SLC24A2: variants seen among roughly 807,000 people sequenced by gnomAD.
SLC24A2 encodes the protein sodium/potassium/calcium exchanger 2.
A neutral mutation model predicts 62.0 loss-of-function variants in SLC24A2; 36 were observed. That is an observed-to-expected ratio of 0.58 (90% CI 0.44 to 0.77). The LOEUF is 0.77. Among genes scored for constraint, SLC24A2 ranks in the 30% least tolerant of loss-of-function variants. The pLI is 0.00. For synonymous variants in SLC24A2, 358 were observed against 294.0 expected (o/e 1.22, Z -2.23); for missense variants, 846 against 817.9 (o/e 1.03, Z -0.42).
chr9:20,104,577 G>A, the SLC24A2 span, among the ~76,000 whole-genome samples: 2 of 152,186 alleles, frequency 1.3e-5, no homozygotes, highest in African/African-American at 4.8e-5. Context: ...TTTCAACCCA[G>A]AATTTCATAT....
At chr9:19,539,625 C>CTA (rs1834158506) in intron 8 of SLC24A2, among the ~76,000 whole-genome samples, 1 of 71,020 alleles carries the variant, frequency 1.4e-5, no homozygotes, top group African/African-American at 5.9e-5. Context: ...TTACTTCCAA[C>CTA]TATGTGGTCA....
chr9:19,649,313 A>G (rs1818733823), intron 2 of SLC24A2, among the ~76,000 whole-genome samples: 1 of 152,062 alleles, frequency 6.6e-6, no homozygotes, highest in African/African-American at 2.4e-5. Context: ...TTTCCAGATA[A>G]TATATGTTGA....
intron 2 of SLC24A2, among the ~76,000 whole-genome samples, chr9:19,782,310 T>C (rs1403581641): frequency 3.9e-5 from 6 of 152,148 alleles, no homozygotes; most frequent in African/African-American, 1.4e-4. Flanking sequence ...TAACCAGCTA[T>C]ACAGACATTT....
intron 2 of SLC24A2, among the ~76,000 whole-genome samples, chr9:19,784,056 A>G (rs1464055110): frequency 6.6e-6 from 1 of 152,236 alleles, no homozygotes; most frequent in African/African-American, 2.4e-5. Flanking sequence ...AAAATTATGG[A>G]TGCAAATAAC....
chr9:19,793,841 G>A (rs181024483), upstream of SLC24A2, among the ~76,000 whole-genome samples: 2 of 152,210 alleles, frequency 1.3e-5, no homozygotes, highest in East Asian at 1.9e-4. Context: ...CCAACAGCCC[G>A]TCAACAATCA....
chr9:19,665,955 G>A (rs567831730), intron 2 of SLC24A2, among the ~76,000 whole-genome samples: 16 of 152,134 alleles, frequency 1.1e-4, no homozygotes, highest in South Asian at 8.3e-4. Context: ...CACTGCACCC[G>A]GCCCGTGTTC....
intron 6 of SLC24A2, among the ~76,000 whole-genome samples, chr9:19,576,294 G>C (rs1836007599): frequency 6.6e-6 from 1 of 152,210 alleles, no homozygotes; most frequent in South Asian, 2.1e-4. Context: ...ACAGACAGGA[G>C]AGAAGGAACA....
At chr9:20,031,408 C>A in the SLC24A2 span, among the ~76,000 whole-genome samples, 2 of 143,238 alleles carry the variant, frequency 1.4e-5, no homozygotes, top group Non-Finnish European at 3.0e-5. Context: ...TGTGTGTGTG[C>A]GCATATGTGC....
At chr9:19,849,443 T>G in the SLC24A2 span, among the ~76,000 whole-genome samples, 1 of 152,172 alleles carries the variant, frequency 6.6e-6, no homozygotes, top group Non-Finnish European at 1.5e-5. Flanking sequence ...GATGAGCTTC[T>G]CCTGAAAATA....
At chr9:19,563,820 TCCTTCCTCCCTCCCTCCCTC>T (rs1835529371) in intron 7 of SLC24A2, among the ~76,000 whole-genome samples, 28 of 92,978 alleles carry the variant, frequency 3.0e-4, no homozygotes, top group Admixed American at 4.3e-4. Context: ...CTTCCTTCCT[TCCTTCCTCCCTCCCTCCCTC>T]CCTCCCTCCC....
the SLC24A2 span, among the ~76,000 whole-genome samples, chr9:19,869,939 CT>C: frequency 2.1e-4 from 32 of 152,260 alleles, no homozygotes; most frequent in Non-Finnish European, 4.0e-4. Context: ...AGTAAGTCTC[CT>C]AGCAAGGAAC....
chr9:19,606,356 G>A (rs2180942), intron 4 of SLC24A2, among the ~76,000 whole-genome samples: 85,448 of 152,106 alleles, frequency 0.56, 24,455 homozygotes, highest in East Asian at 0.84. Flanking sequence ...CCTTAGAGTA[G>A]AAAGCAAAGC....
At chr9:20,084,297 G>C in the SLC24A2 span, among the ~76,000 whole-genome samples, 28 of 152,316 alleles carry the variant, frequency 1.8e-4, no homozygotes, top group East Asian at 3.1e-3. Context: ...GCTAGAGTTA[G>C]TTGATTTGTC....
intron 2 of SLC24A2, among the ~76,000 whole-genome samples, chr9:19,704,104 A>C (rs1820436036): frequency 6.6e-6 from 1 of 151,962 alleles, no homozygotes; most frequent in Non-Finnish European, 1.5e-5. Context: ...TTGCTACTAA[A>C]ACGTGATCTG....
the SLC24A2 span, among the ~76,000 whole-genome samples, chr9:20,024,620 TAAG>T: frequency 6.6e-6 from 1 of 152,196 alleles, no homozygotes; most frequent in African/African-American, 2.4e-5. Context: ...GGTTCTCTGA[TAAG>T]AAAGACTTAA....
intron 2 of SLC24A2, among the ~76,000 whole-genome samples, chr9:19,726,429 T>A (rs1485753031): frequency 2.0e-5 from 3 of 152,196 alleles, no homozygotes; most frequent in African/African-American, 7.2e-5. Flanking sequence ...TTGTTCATCT[T>A]GTTTTATTTT....
chr9:19,743,273 T>C (rs897305430), intron 2 of SLC24A2, among the ~76,000 whole-genome samples: 2 of 152,214 alleles, frequency 1.3e-5, no homozygotes, highest in Non-Finnish European at 2.9e-5. Flanking sequence ...AGTTTATCAC[T>C]TCTATTCATA....
At chr9:20,158,004 A>G in the SLC24A2 span, among the ~76,000 whole-genome samples, 2 of 151,648 alleles carry the variant, frequency 1.3e-5, no homozygotes, top group African/African-American at 4.8e-5. Flanking sequence ...CTTCTCTCCC[A>G]ATAAACCATA....
chr9:19,735,567 T>C (rs991530536), intron 2 of SLC24A2, among the ~76,000 whole-genome samples: 16 of 152,186 alleles, frequency 1.1e-4, no homozygotes, highest in African/African-American at 1.4e-4. Context: ...TGTATGTTTA[T>C]TGCGGCACTA....
Sources: allele counts gnomAD v4.1 joint callset (sites outside exome capture counted in the v4.1 genomes callset), GRCh38; gene constraint gnomAD v4.1.1; transcripts MANE v1.5; gene names NCBI Gene and HGNC (gene_info 2026-07-23, HGNC 2026-07-21).